CSMD3: variants seen among roughly 807,000 people sequenced by gnomAD.
CSMD3 encodes CUB and Sushi multiple domains 3.
Under a neutral mutation model 435.2 loss-of-function variants are expected in CSMD3, and 177 were observed. The ratio of observed to expected loss-of-function variants is 0.41; its 90% CI spans 0.36 to 0.46. The LOEUF (loss-of-function observed/expected upper bound fraction) is 0.46, where lower values mean the gene tolerates loss of function less well. Ranked by LOEUF, CSMD3 falls within the 20% of genes least tolerant of loss-of-function variation. The pLI, the probability that CSMD3 is intolerant of heterozygous loss-of-function variation, is 0.34. For synonymous variants in CSMD3, 1,656 were observed against 1,520.5 expected (o/e 1.09, Z -2.07); for missense variants, 4,265 against 4,504.6 (o/e 0.95, Z 1.52).
chr8:112,253,371 G>T (rs1815462668), intron 63 of CSMD3, among the ~76,000 whole-genome samples: 1 of 151,962 alleles, frequency 6.6e-6, no homozygotes, highest in Non-Finnish European at 1.5e-5. Flanking sequence ...GAAATCAGAA[G>T]AATTGGAAAT....
At chr8:112,243,487 G>T (rs770818864) in intron 65 of CSMD3, among the ~76,000 whole-genome samples, 14 of 152,078 alleles carry the variant, frequency 9.2e-5, no homozygotes, top group Non-Finnish European at 1.8e-4. Context: ...TGACCGAGCA[G>T]CAATCGGTGG....
intron 22 of CSMD3, among the ~76,000 whole-genome samples, chr8:112,623,279 A>G (rs142922116): frequency 8.6e-4 from 131 of 152,222 alleles, no homozygotes; most frequent in African/African-American, 3.0e-3. Context: ...CTGTTTTACT[A>G]ATGTTATTCA....
chr8:112,998,254 A>G (rs1182125808), intron 6 of CSMD3, among the ~76,000 whole-genome samples: 1 of 151,838 alleles, frequency 6.6e-6, no homozygotes. Context: ...ATTACCCTGG[A>G]AGAATTATCC....
intron 2 of CSMD3, among the ~76,000 whole-genome samples, chr8:113,280,652 C>A (rs1196424417): frequency 6.6e-6 from 1 of 151,648 alleles, no homozygotes; most frequent in Non-Finnish European, 1.5e-5. Flanking sequence ...GTTTCAATTT[C>A]ATTTGGTTCT....
At chr8:113,057,073 G>A (rs2088374040) in intron 5 of CSMD3, among the ~76,000 whole-genome samples, 1 of 152,038 alleles carries the variant, frequency 6.6e-6, no homozygotes, top group Non-Finnish European at 1.5e-5. Context: ...TCCTCAAAAT[G>A]GCTCTTTGGA....
At position 112,921,039 on chromosome 8, in the gene CSMD3, A is replaced by G. The variant is rs1318376034; in HGVS notation, c.1633+588T>C. Among the ~76,000 whole-genome samples, 5 of 150,818 alleles carry G rather than the reference A, an allele frequency of 3.3e-5. No homozygotes were observed. The East Asian group carries it at 7.8e-4, about 24-fold the overall frequency. ...CACACACACACACACACACACATAT[A>G]TATACCTCCAGTAATTCCAGATAAG... On this transcript the variant is annotated intron_variant, in intron 10 of 70. Transcript: ENST00000297405.
intron 4 of CSMD3, among the ~76,000 whole-genome samples, chr8:113,124,120 A>G (rs1487662590): frequency 1.3e-5 from 2 of 151,956 alleles, no homozygotes; most frequent in African/African-American, 2.4e-5. Flanking sequence ...CCATTCATAT[A>G]GTAGCTAGTT....
intron 3 of CSMD3, among the ~76,000 whole-genome samples, chr8:113,254,648 G>A (rs2093364585): frequency 6.6e-6 from 1 of 152,146 alleles, no homozygotes; most frequent in African/African-American, 2.4e-5. Context: ...ACAATATTAA[G>A]TAATGGAGTC....
chr8:113,017,191 C>T (rs1004315857), intron 6 of CSMD3, among the ~76,000 whole-genome samples: 1 of 151,874 alleles, frequency 6.6e-6, no homozygotes, highest in African/African-American at 2.4e-5. Context: ...CATTTTACTA[C>T]AGTGATGCTA....
intron 12 of CSMD3, among the ~76,000 whole-genome samples, chr8:112,828,352 T>G (rs1222945703): frequency 3.3e-5 from 5 of 152,170 alleles, no homozygotes; most frequent in African/African-American, 1.2e-4. Context: ...AGGGACCTAG[T>G]GGGAGGTGAA....
chr8:113,381,023 CA>C (rs1347701209), intron 1 of CSMD3, among the ~76,000 whole-genome samples: 6 of 152,182 alleles, frequency 3.9e-5, no homozygotes, highest in African/African-American at 1.4e-4. Context: ...GGAATAGATC[CA>C]AATCCCGTCT....
At chr8:112,772,582 C>G (rs1036297453) in intron 13 of CSMD3, among the ~76,000 whole-genome samples, 3 of 151,122 alleles carry the variant, frequency 2.0e-5, no homozygotes, top group Admixed American at 6.6e-5. Context: ...GTTCCCCCAG[C>G]CCTACACCTG....
chr8:112,253,210 A>G (rs1031622396), intron 63 of CSMD3, among the ~76,000 whole-genome samples: 3 of 151,944 alleles, frequency 2.0e-5, no homozygotes, highest in Non-Finnish European at 4.4e-5. Flanking sequence ...GATGAGGACT[A>G]GTGCTGTGCA....
chr8:113,406,265 G>C (rs1428175536), intron 1 of CSMD3, among the ~76,000 whole-genome samples: 2 of 151,796 alleles, frequency 1.3e-5, no homozygotes, highest in African/African-American at 2.4e-5. Flanking sequence ...GAAGTACCCT[G>C]GATCATGGAT....
chr8:112,464,713 C>T (rs1202116902), intron 32 of CSMD3, among the ~76,000 whole-genome samples: 3 of 152,104 alleles, frequency 2.0e-5, no homozygotes, highest in African/African-American at 7.2e-5. Flanking sequence ...TATGTCTCTA[C>T]AATATGGGTT....
At chr8:112,819,074 G>T (rs945197124) in intron 12 of CSMD3, among the ~76,000 whole-genome samples, 1 of 152,116 alleles carries the variant, frequency 6.6e-6, no homozygotes, top group Non-Finnish European at 1.5e-5. Flanking sequence ...ACCAGGACCA[G>T]CATAGGCCTT....
At chr8:112,782,414 T>C (rs960697126) in intron 13 of CSMD3, among the ~76,000 whole-genome samples, 3 of 151,560 alleles carry the variant, frequency 2.0e-5, no homozygotes, top group Non-Finnish European at 4.4e-5. Context: ...GAAAAAAGAA[T>C]AAAAATAATA....
At chr8:113,350,963 A>T (rs888443611) in intron 1 of CSMD3, among the ~76,000 whole-genome samples, 3 of 145,540 alleles carry the variant, frequency 2.1e-5, no homozygotes, top group Admixed American at 2.1e-4. Flanking sequence ...CATGTACATT[A>T]AAAAAAAAAC....
intron 1 of CSMD3, among the ~76,000 whole-genome samples, chr8:113,335,111 G>A (rs1179184608): frequency 2.0e-5 from 3 of 151,974 alleles, no homozygotes; most frequent in Non-Finnish European, 4.4e-5. Flanking sequence ...GTTTAAAAGT[G>A]CATAGCACGC....
Sources: allele counts gnomAD v4.1 joint callset (sites outside exome capture counted in the v4.1 genomes callset), GRCh38; gene constraint gnomAD v4.1.1; transcripts MANE v1.5; gene names NCBI Gene and HGNC (gene_info 2026-07-23, HGNC 2026-07-21).